IQSEC1: variants seen among roughly 807,000 people sequenced by gnomAD.
IQSEC1 encodes IQ motif and Sec7 domain ArfGEF 1, also known as IQ motif and SEC7 domain-containing protein 1.
A neutral mutation model predicts 91.0 loss-of-function variants in IQSEC1; 31 were observed. That is an observed-to-expected ratio of 0.34 (90% CI 0.26 to 0.46). IQSEC1 has a LOEUF of 0.46. IQSEC1 is among the 20% of genes least tolerant of loss of function. The probability of loss-of-function intolerance (pLI) is 1.00; values close to 1 mark genes in which losing one functional copy is unlikely to be tolerated. For synonymous variants in IQSEC1, 699 were observed against 662.6 expected, an observed-to-expected ratio of 1.05 and a Z score of -0.84; for missense variants, 1,388 against 1,575.6, an observed-to-expected ratio of 0.88 and a Z score of 2.02.
chr3:13,178,808 A>G (rs1274591946), intron 1 of IQSEC1, among the ~76,000 whole-genome samples: 1 of 152,234 alleles, frequency 6.6e-6, no homozygotes, highest in Non-Finnish European at 1.5e-5. Flanking sequence ...TAAATATGAA[A>G]CCAATCCAAC....
intron 1 of IQSEC1, chr3:13,022,378 G>A (rs1703439923): frequency 1.7e-6 from 2 of 1,147,666 alleles, no homozygotes; most frequent in Non-Finnish European, 2.1e-6. Flanking sequence ...TGGCCAAGCG[G>A]CCCTCACACA....
intron 2 of IQSEC1, among the ~76,000 whole-genome samples, chr3:13,134,703 C>A (rs1220898578): frequency 6.6e-6 from 1 of 152,200 alleles, no homozygotes; most frequent in Non-Finnish European, 1.5e-5. Context: ...TACCCAGGAG[C>A]CCTGTAGTCT....
rs1698139671 is a variant in IQSEC1, at chr3:12,935,917, T to C, written c.1099A>G (p.Thr367Ala). The C allele has an allele frequency of 6.2e-7, 1 of 1,600,886 alleles. No individual in the cohort carries two copies. The highest frequency in any genetic ancestry group is 8.5e-7 in the Non-Finnish European group (1 of 1,179,426). ...RLRVEHLPLL[T>A]IEPPSDSSVD... ...GAGCTGTCGCTGGGTGGCTCGATGG[T>C]GAGCAGCGGCAGATGCTCCACCCGC... The change falls in exon 3 of 14, where the codon ACC becomes GCC. Residue 367 changes from threonine (T) to alanine (A), a missense_variant. Physicochemically the swap from Thr to Ala is moderately conservative, Grantham distance 58 (BLOSUM62 0). This residue lies in a region of IQSEC1 where 1,059 missense variants were observed against 1,317.8 expected (regional missense o/e 0.80). Coordinates refer to ENST00000613206, the MANE Select transcript of IQSEC1 (RefSeq NM_001134382.3). The surrounding 1 kb of genome is among the most constrained non-coding windows in gnomAD (Gnocchi z 8.0).
intron 1 of IQSEC1, among the ~76,000 whole-genome samples, chr3:13,056,476 C>T (rs186912113): frequency 6.6e-6 from 1 of 152,284 alleles, no homozygotes; most frequent in Admixed American, 6.5e-5. Context: ...CTCATTTAAT[C>T]CTCAAGCCGG....
At position 13,200,097 on chromosome 3, in the gene IQSEC1, G is replaced by A. The variant is rs531346472; in HGVS notation, c.273-35964C>T. On this transcript the variant is annotated intron_variant, in intron 1 of 15. Coordinates refer to the IQSEC1 transcript ENST00000648114. ...CACAACATGCATATACACAACATGC[G>A]CGCGCACGCACACACACATACACCA... Among the ~76,000 whole-genome samples, 14 of 139,984 alleles carry A rather than the reference G, an allele frequency of 1.0e-4. No individual in the cohort carries two copies. In the East Asian group the frequency reaches 1.7e-3, roughly 17 times the overall value. 91.8% of individuals were successfully genotyped at this position (139,984 alleles called of 152,430 possible).
intron 2 of IQSEC1, among the ~76,000 whole-genome samples, chr3:13,118,658 G>A (rs1706374494): frequency 2.0e-5 from 3 of 152,194 alleles, no homozygotes. Flanking sequence ...CTGGGGAGGA[G>A]GGAATAGAAA....
chr3:13,269,996 C>T (rs1695566367), intron 1 of IQSEC1, among the ~76,000 whole-genome samples: 1 of 152,150 alleles, frequency 6.6e-6, no homozygotes, highest in Non-Finnish European at 1.5e-5. Flanking sequence ...GCTCTGGGGG[C>T]CCCTAGGCCA....
chr3:13,241,943 C>T (rs1185948970), intron 1 of IQSEC1, among the ~76,000 whole-genome samples: 3 of 152,266 alleles, frequency 2.0e-5, no homozygotes, highest in African/African-American at 4.8e-5. Flanking sequence ...ATGTGATTGA[C>T]GCCAAGGAGC....
chr3:13,158,156 G>A (rs961912974), intron 2 of IQSEC1, among the ~76,000 whole-genome samples: 20 of 152,196 alleles, frequency 1.3e-4, no homozygotes, highest in African/African-American at 4.3e-4. Flanking sequence ...AGAGGCCGCC[G>A]GCTCAGCCCT....
chr3:12,935,967 G>A lies in IQSEC1; in HGVS notation c.1049C>T (p.Ser350Leu), dbSNP rs374393523. The A allele has an allele frequency of 2.3e-5, 36 of 1,599,124 alleles. No homozygotes were observed. In the South Asian group the frequency reaches 2.9e-4, roughly 13 times the overall value. The change falls in exon 3 of 14, where the codon TCG becomes TTG. Residue 350 changes from serine to leucine, a missense_variant. Coordinates refer to ENST00000613206, the MANE Select transcript of IQSEC1 (RefSeq NM_001134382.3). This position sits in a 1 kb window ranked among gnomAD's most constrained non-coding sequence, Gnocchi z 8.0. Reference sequence around the variant, plus strand: ...CAGCCGCTGCTCCTGCCGCTCCAGCGACGGCGTGCTCCGGCAGCTCGTGTC... The same window carrying A: ...CAGCCGCTGCTCCTGCCGCTCCAGCAACGGCGTGCTCCGGCAGCTCGTGTC... ...DTDTSCRSTP[S>L]LERQEQRLRV...
chr3:12,903,227 C>T (rs796125388), intron 12 of IQSEC1, among the ~76,000 whole-genome samples: 16 of 152,294 alleles, frequency 1.1e-4, no homozygotes, highest in African/African-American at 3.8e-4. Flanking sequence ...CACATAGCTG[C>T]AAACAGCATG....
At chr3:13,041,539 G>A (rs1039790460) in intron 1 of IQSEC1, among the ~76,000 whole-genome samples, 2 of 152,164 alleles carry the variant, frequency 1.3e-5, no homozygotes, top group Admixed American at 6.5e-5. Context: ...CCTCCTCCAG[G>A]TCTTTAATAA....
intron 2 of IQSEC1, among the ~76,000 whole-genome samples, chr3:13,104,517 A>G (rs1042847547): frequency 2.0e-5 from 3 of 152,190 alleles, no homozygotes; most frequent in African/African-American, 4.8e-5. Context: ...CAGCCAGGCA[A>G]GTAGATTTCC....
At chr3:12,912,670 C>CAAAAAA (rs561314162) in intron 9 of IQSEC1, among the ~76,000 whole-genome samples, 4 of 54,026 alleles carry the variant, frequency 7.4e-5, no homozygotes, top group Non-Finnish European at 1.1e-4. Flanking sequence ...GACTCCGTCT[C>CAAAAAA]AAAAAAAAAA....
chr3:13,242,509 C>T (rs1362180846), intron 1 of IQSEC1, among the ~76,000 whole-genome samples: 2 of 152,220 alleles, frequency 1.3e-5, no homozygotes, highest in African/African-American at 4.8e-5. Flanking sequence ...CCATTAGCGG[C>T]ACCCATGCAG....
At chr3:13,246,512 T>C (rs1360631847) in intron 1 of IQSEC1, among the ~76,000 whole-genome samples, 2 of 152,210 alleles carry the variant, frequency 1.3e-5, no homozygotes, top group Non-Finnish European at 2.9e-5. Flanking sequence ...GTAAATTTTA[T>C]GTGAAGCGTA....
At chr3:13,163,958 G>C (rs1193956506) in intron 2 of IQSEC1, among the ~76,000 whole-genome samples, 1 of 152,192 alleles carries the variant, frequency 6.6e-6, no homozygotes, top group Admixed American at 6.5e-5. Flanking sequence ...AGGCCCTTGG[G>C]GCACACGCCA....
At chr3:13,116,151 C>A (rs1417725501) in intron 2 of IQSEC1, among the ~76,000 whole-genome samples, 2 of 152,212 alleles carry the variant, frequency 1.3e-5, no homozygotes, top group African/African-American at 4.8e-5. Context: ...CCTCCCAGCT[C>A]CCTGAGGGCA....
intron 12 of IQSEC1, among the ~76,000 whole-genome samples, chr3:12,903,448 C>T (rs187190376): frequency 1.7e-3 from 259 of 152,314 alleles, no homozygotes; most frequent in South Asian, 5.4e-3. Flanking sequence ...TGGGGACTGC[C>T]GGAAACCGCC....
Sources: allele counts gnomAD v4.1 joint callset (sites outside exome capture counted in the v4.1 genomes callset), GRCh38; gene constraint gnomAD v4.1.1; regional missense constraint gnomAD v4.1.1; non-coding constraint Gnocchi (gnomAD v3.1); transcripts MANE v1.5; gene names NCBI Gene and HGNC (gene_info 2026-07-23, HGNC 2026-07-21).